The following ADAMTS3 variants were observed in gnomAD, a reference collection of about 807,000 sequenced individuals.
The protein encoded by ADAMTS3 is A disintegrin and metalloproteinase with thrombospondin motifs 3.
Under a neutral mutation model 129.0 loss-of-function variants are expected in ADAMTS3, and 73 were observed. The observed-to-expected ratio is 0.57, with a 90% CI of 0.47 to 0.69. The LOEUF (loss-of-function observed/expected upper bound fraction) is 0.69. ADAMTS3 is among the 30% of genes least tolerant of loss of function. The pLI is 0.00. For synonymous variants in ADAMTS3, 477 were observed against 510.8 expected (o/e 0.93, Z 0.89); for missense variants, 1,457 against 1,514.5 (o/e 0.96, Z 0.63).
chr4:72,518,295 G>A (rs571782479), intron 3 of ADAMTS3, among the ~76,000 whole-genome samples: 3 of 152,218 alleles, frequency 2.0e-5, no homozygotes, highest in South Asian at 2.1e-4. Context: ...GTATGGTGCT[G>A]AAAAAAATGT....
chr4:72,441,569 T>C (rs1244368112), intron 3 of ADAMTS3: 2 of 151,848 alleles, frequency 1.3e-5, no homozygotes, highest in Admixed American at 1.3e-4. Context: ...TCATGGTTAC[T>C]GCTCTTTGTG....
chr4:72,509,896 A>G (rs1720268048), intron 3 of ADAMTS3, among the ~76,000 whole-genome samples: 2 of 152,068 alleles, frequency 1.3e-5, no homozygotes, highest in Admixed American at 6.6e-5. Context: ...TCAACAATAC[A>G]TTAGAAAGGT....
chr4:72,540,036 G>A (rs946394467), intron 3 of ADAMTS3, among the ~76,000 whole-genome samples: 1 of 152,172 alleles, frequency 6.6e-6, no homozygotes, highest in African/African-American at 2.4e-5. Context: ...TTTGGAACTG[G>A]GTAGCAGGCA....
rs552972455 is a variant in ADAMTS3, at chr4:72,449,058, C to T, written c.505-34087G>A. Among the ~76,000 whole-genome samples, 26 of 151,758 alleles carry T rather than the reference C, an allele frequency of 1.7e-4. No individual in the cohort carries two copies. In the South Asian group the frequency reaches 5.0e-3, roughly 29 times the overall value. On this transcript the variant is annotated intron_variant, in intron 3 of 21. Coordinates refer to ENST00000286657, the MANE Select transcript of ADAMTS3 (RefSeq NM_014243.3). ...TATTTTCCACTGGCTTCTAGAAAATCATACTCTCCTTATTTTCCCCCAGCT... is the reference window on the plus strand; with the variant it reads ...TATTTTCCACTGGCTTCTAGAAAATTATACTCTCCTTATTTTCCCCCAGCT...
chr4:72,349,057 G>A (rs904968961), intron 4 of ADAMTS3, among the ~76,000 whole-genome samples: 1 of 151,834 alleles, frequency 6.6e-6, no homozygotes, highest in African/African-American at 2.4e-5. Context: ...TTAAATTAGG[G>A]GTGATTTATT....
In ADAMTS3 at chr4:72,295,647, T is replaced by C. The variant is rs769918605; in HGVS notation, c.2723+7A>G. On this transcript the variant is annotated splice_region_variant and intron_variant, in intron 19 of 21. Coordinates refer to ENST00000286657, the MANE Select transcript of ADAMTS3 (RefSeq NM_014243.3). ...CTCCAGATATGATAGTTAAAATAGATGCTTACAGTGGATGTGTACACTCTT... is the reference window on the plus strand; with the variant it reads ...CTCCAGATATGATAGTTAAAATAGACGCTTACAGTGGATGTGTACACTCTT... 2 of 1,605,696 alleles carry C rather than the reference T, an allele frequency of 1.2e-6. No homozygotes were observed. Among genetic ancestry groups the C allele is most frequent in the South Asian group, 2.2e-5 (2 of 89,768 alleles).
intron 3 of ADAMTS3, among the ~76,000 whole-genome samples, chr4:72,480,461 C>T (rs1719400407): frequency 6.6e-6 from 1 of 151,950 alleles, no homozygotes; most frequent in African/African-American, 2.4e-5. Flanking sequence ...AACCAAACAC[C>T]ACATGTTCTC....
intron 3 of ADAMTS3, among the ~76,000 whole-genome samples, chr4:72,473,284 G>C (rs1247648229): frequency 6.6e-6 from 1 of 152,050 alleles, no homozygotes. Context: ...GAAGAAGGCA[G>C]ACTAGCTAAA....
At chr4:72,423,319 A>G (rs968997103) in intron 3 of ADAMTS3, among the ~76,000 whole-genome samples, 3 of 152,154 alleles carry the variant, frequency 2.0e-5, no homozygotes, top group African/African-American at 7.2e-5. Context: ...AAAAATATAT[A>G]TCAATATTGT....
chr4:72,530,472 TTTA>T (rs377398457), intron 3 of ADAMTS3, among the ~76,000 whole-genome samples: 4 of 20,892 alleles, frequency 1.9e-4, no homozygotes, highest in South Asian at 1.8e-3. Flanking sequence ...AATATATTAA[TTTA>T]ATATATAAAT....
intron 3 of ADAMTS3, among the ~76,000 whole-genome samples, chr4:72,451,700 A>G (rs1357401343): frequency 4.0e-5 from 6 of 151,842 alleles, no homozygotes; most frequent in Non-Finnish European, 8.8e-5. Flanking sequence ...ATCTCTGACA[A>G]GATTTTTCAT....
intron 4 of ADAMTS3, among the ~76,000 whole-genome samples, chr4:72,393,990 C>G (rs915830042): frequency 6.6e-6 from 1 of 152,166 alleles, no homozygotes; most frequent in Non-Finnish European, 1.5e-5. Context: ...GATGTAAATA[C>G]CAGCTCACTC....
chr4:72,530,810 T>C (rs1245125095), intron 3 of ADAMTS3, among the ~76,000 whole-genome samples: 1 of 118,476 alleles, frequency 8.4e-6, no homozygotes, highest in South Asian at 2.3e-4. Context: ...ATATATTATA[T>C]ATTATATATT....
chr4:72,379,857 A>G (rs984944793), intron 4 of ADAMTS3, among the ~76,000 whole-genome samples: 27 of 152,174 alleles, frequency 1.8e-4, no homozygotes, highest in African/African-American at 6.5e-4. Context: ...ATTCTGATTT[A>G]TATTATTACT....
At chr4:72,327,060 A>G (rs1407676025) in intron 5 of ADAMTS3, among the ~76,000 whole-genome samples, 1 of 152,138 alleles carries the variant, frequency 6.6e-6, no homozygotes, top group African/African-American at 2.4e-5. Context: ...CCTGAGAAAA[A>G]TGCTACGTTT....
chr4:72,545,239 G>C (rs191565979), intron 3 of ADAMTS3, among the ~76,000 whole-genome samples: 1 of 152,256 alleles, frequency 6.6e-6, no homozygotes, highest in African/African-American at 2.4e-5. Flanking sequence ...AATTAGACAT[G>C]AGATGTGAAA....
chr4:72,376,866 C>T (rs1300872016), intron 4 of ADAMTS3, among the ~76,000 whole-genome samples: 1 of 152,024 alleles, frequency 6.6e-6, no homozygotes, highest in Non-Finnish European at 1.5e-5. Context: ...GAACGCCTTG[C>T]CTATATTTTC....
intron 3 of ADAMTS3, among the ~76,000 whole-genome samples, chr4:72,437,523 C>T (rs755277524): frequency 6.6e-6 from 1 of 151,742 alleles, no homozygotes. Context: ...TGATCATAGT[C>T]CTATTTCTAT....
At chr4:72,529,983 A>T (rs867890187) in intron 3 of ADAMTS3, among the ~76,000 whole-genome samples, 8 of 33,316 alleles carry the variant, frequency 2.4e-4, no homozygotes, top group African/African-American at 3.5e-4. Context: ...ATATAAATAT[A>T]ATATATTATA....
Sources: gnomAD v4.1 joint callset for allele counts (sites outside exome capture counted in the v4.1 genomes callset) on GRCh38, gnomAD v4.1.1 for gene constraint, MANE v1.5 for transcripts, NCBI Gene and HGNC (gene_info 2026-07-23, HGNC 2026-07-21) for gene names.